Variants in CSMD1 observed in about 807,000 individuals in gnomAD.
CSMD1 encodes the protein CUB and Sushi multiple domains 1, also known as CUB and sushi domain-containing protein 1.
Under a neutral mutation model 417.5 loss-of-function variants are expected in CSMD1, and 213 were observed. That is an observed-to-expected ratio of 0.51 (90% CI 0.46 to 0.57). The LOEUF is 0.57. CSMD1 is among the 20% of genes least tolerant of loss of function. The pLI, the probability that CSMD1 is intolerant of heterozygous loss-of-function variation, is 0.00. For synonymous variants in CSMD1, 2,862 were observed against 1,736.8 expected (o/e 1.65, Z -16.11); for missense variants, 6,923 against 4,529.7 (o/e 1.53, Z -15.17).
At chr8:4,199,650 A>C (rs991322829) in intron 3 of CSMD1, among the ~76,000 whole-genome samples, 56 of 152,178 alleles carry the variant, frequency 3.7e-4, no homozygotes, top group African/African-American at 1.3e-3. Flanking sequence ...CTTCAACCCA[A>C]GCTCAGTGTA....
intron 1 of CSMD1, among the ~76,000 whole-genome samples, chr8:4,878,003 A>T (rs753267911): frequency 6.6e-6 from 1 of 152,120 alleles, no homozygotes; most frequent in Non-Finnish European, 1.5e-5. Flanking sequence ...CTGTTCAGAA[A>T]TAGGACCTGT....
chr8:3,138,561 G>A (rs1403566383), intron 41 of CSMD1, among the ~76,000 whole-genome samples: 3 of 152,216 alleles, frequency 2.0e-5, no homozygotes, highest in African/African-American at 4.8e-5. Context: ...GCTTCTGAAT[G>A]AGGAGACCTC....
At chr8:4,363,899 T>TAG (rs140238110) in intron 3 of CSMD1, among the ~76,000 whole-genome samples, 129 of 152,210 alleles carry the variant, frequency 8.5e-4, no homozygotes, top group Middle Eastern at 3.4e-3. Context: ...TACCAGAGTC[T>TAG]AGAAAGGGTG....
intron 1 of CSMD1, among the ~76,000 whole-genome samples, chr8:4,726,424 A>C (rs1466074782): frequency 6.6e-6 from 1 of 152,064 alleles, no homozygotes. Flanking sequence ...TAGTTCACAG[A>C]ATTTGTTTTT....
intron 3 of CSMD1, among the ~76,000 whole-genome samples, chr8:4,036,853 T>A (rs916796932): frequency 6.6e-6 from 1 of 152,220 alleles, no homozygotes; most frequent in Admixed American, 6.5e-5. Flanking sequence ...TCTTACCATC[T>A]CTGCATGAGG....
At chr8:3,386,872 C>T (rs558113805) in intron 18 of CSMD1, among the ~76,000 whole-genome samples, 1 of 152,120 alleles carries the variant, frequency 6.6e-6, no homozygotes. Context: ...ACATATTTAC[C>T]TAACTGTTAT....
chr8:3,706,923 T>C (rs1801200890), intron 7 of CSMD1, among the ~76,000 whole-genome samples: 1 of 152,176 alleles, frequency 6.6e-6, no homozygotes, highest in Admixed American at 6.5e-5. Flanking sequence ...CCTTTTCCAA[T>C]CTAATTTCAT....
At chr8:4,773,539 A>C (rs965090765) in intron 1 of CSMD1, among the ~76,000 whole-genome samples, 2 of 152,200 alleles carry the variant, frequency 1.3e-5, no homozygotes, top group African/African-American at 2.4e-5. Flanking sequence ...GATTCAGTTG[A>C]AAGAAAGTTA....
chr8:3,386,801 G>C (rs1028404199), intron 18 of CSMD1, among the ~76,000 whole-genome samples: 1 of 152,024 alleles, frequency 6.6e-6, no homozygotes, highest in African/African-American at 2.4e-5. Flanking sequence ...TGTTATACTG[G>C]GGTTATATTC....
At chr8:4,263,939 A>G (rs376215897) in intron 3 of CSMD1, among the ~76,000 whole-genome samples, 2 of 152,180 alleles carry the variant, frequency 1.3e-5, no homozygotes, top group South Asian at 4.1e-4. Context: ...TTTTCTATCT[A>G]TATAATGCAA....
intron 6 of CSMD1, among the ~76,000 whole-genome samples, chr8:3,734,992 T>C (rs903462060): frequency 2.0e-5 from 3 of 152,180 alleles, no homozygotes; most frequent in Non-Finnish European, 4.4e-5. Context: ...TCCCCTGTGG[T>C]GTGCAAAGAG....
chr8:3,247,733 C>G (rs1444273687), intron 26 of CSMD1, among the ~76,000 whole-genome samples: 3 of 152,142 alleles, frequency 2.0e-5, no homozygotes, highest in East Asian at 1.9e-4. Context: ...TGTGCAGGCA[C>G]AGAATGAAAT....
chr8:4,657,351 A>T (rs1435723540), intron 1 of CSMD1, among the ~76,000 whole-genome samples: 10 of 152,092 alleles, frequency 6.6e-5, no homozygotes, highest in Non-Finnish European at 1.2e-4. Flanking sequence ...GAGGATTTTC[A>T]TTTTTGTTTT....
chr8:3,337,095 C>T (rs989390304), intron 23 of CSMD1, among the ~76,000 whole-genome samples: 3 of 152,066 alleles, frequency 2.0e-5, no homozygotes, highest in African/African-American at 7.2e-5. Context: ...AAAAGCACAG[C>T]TGACTAATCC....
At chr8:3,119,628 T>G (rs1198513111) in intron 41 of CSMD1, among the ~76,000 whole-genome samples, 1 of 152,180 alleles carries the variant, frequency 6.6e-6, no homozygotes, top group Non-Finnish European at 1.5e-5. Context: ...ACTGTAATTT[T>G]AAAGCTAAAT....
chr8:4,031,092 C>G (rs374424502), intron 4 of CSMD1, among the ~76,000 whole-genome samples: 1 of 152,140 alleles, frequency 6.6e-6, no homozygotes, highest in Non-Finnish European at 1.5e-5. Context: ...CCAAAACTTC[C>G]CACATTTTCC....
intron 1 of CSMD1, among the ~76,000 whole-genome samples, chr8:4,879,129 A>G (rs775685958): frequency 3.3e-5 from 5 of 152,104 alleles, no homozygotes; most frequent in African/African-American, 7.2e-5. Context: ...CGTATTGAGC[A>G]AACAAAATAT....
At chr8:3,842,746 G>T (rs182808853) in intron 5 of CSMD1, among the ~76,000 whole-genome samples, 1 of 149,438 alleles carries the variant, frequency 6.7e-6, no homozygotes, top group African/African-American at 2.5e-5. Context: ...TTGGGAAACA[G>T]AAAAAAAAAG....
At position 4,814,954 on chromosome 8, in the gene CSMD1, A is replaced by C. The variant is rs542855486; in HGVS notation, c.86-177396T>G. Among the ~76,000 whole-genome samples, 5 of 152,286 alleles carry C rather than the reference A, an allele frequency of 3.3e-5. No individual in the cohort carries two copies. The South Asian group carries it at 8.3e-4, about 25-fold the overall frequency. On this transcript the variant is annotated intron_variant, in intron 1 of 69. Transcript: ENST00000635120. Reference sequence around the variant, plus strand: ...ATTTTGCATTATGACTGTTTATTATAGAGACTGATGGATCCTCATATTTCA... The same window carrying C: ...ATTTTGCATTATGACTGTTTATTATCGAGACTGATGGATCCTCATATTTCA...
Sources: allele counts gnomAD v4.1 joint callset (sites outside exome capture counted in the v4.1 genomes callset), GRCh38; gene constraint gnomAD v4.1.1; transcripts MANE v1.5; gene names NCBI Gene and HGNC (gene_info 2026-07-23, HGNC 2026-07-21).